NCK1: variants seen among roughly 807,000 people sequenced by gnomAD.
NCK1 encodes the protein SH2/SH3 adapter protein NCK1.
Under a neutral mutation model 36.6 loss-of-function variants are expected in NCK1, and 19 were observed. The ratio of observed to expected loss-of-function variants is 0.52; its 90% confidence interval spans 0.36 to 0.76. NCK1 has a LOEUF of 0.76. Ranked by LOEUF, NCK1 falls within the 30% of genes least tolerant of loss-of-function variation. The pLI is 0.00. For missense variants in NCK1, 358 were observed against 445.6 expected, an observed-to-expected ratio of 0.80 and a Z score of 1.77; for synonymous variants, 165 against 156.0, an observed-to-expected ratio of 1.06 and a Z score of -0.43.
chr3:136,921,510 T>A (rs1289716512), intron 1 of NCK1, among the ~76,000 whole-genome samples: 1 of 152,226 alleles, frequency 6.6e-6, no homozygotes, highest in Non-Finnish European at 1.5e-5. Flanking sequence ...TGTACTTCAT[T>A]TCTTAGTGCC....
chr3:136,923,779 T>G (rs1449003914), intron 1 of NCK1, among the ~76,000 whole-genome samples: 2 of 152,306 alleles, frequency 1.3e-5, no homozygotes, highest in East Asian at 3.9e-4. Flanking sequence ...CTTGATAGTT[T>G]AGCTTTTAGA....
At chr3:136,898,953 T>C (rs1939463637) in intron 1 of NCK1, 1 of 152,940 alleles carries the variant, frequency 6.5e-6, no homozygotes, top group African/African-American at 2.4e-5. Context: ...TTATAGGACA[T>C]GGTAATGGAT....
intron 1 of NCK1, among the ~76,000 whole-genome samples, chr3:136,879,843 C>T (rs1426348879): frequency 2.6e-5 from 4 of 151,574 alleles, no homozygotes; most frequent in South Asian, 2.1e-4. Context: ...GGCCTGTTGG[C>T]GGGTGAGGGG....
chr3:136,877,703 C>T lies in NCK1; in HGVS notation c.-19+15350C>T, dbSNP rs373067110. Among the ~76,000 whole-genome samples, 10 of 152,198 alleles carry T rather than the reference C, an allele frequency of 6.6e-5. No homozygotes were observed. In the South Asian group the frequency reaches 8.3e-4, roughly 13 times the overall value. The stretch of plus-strand genomic sequence containing the variant: ...ACAATAAAATCTGGAAACTGGAAAG[C>T]GAGTGAACTGATGGGAAACTTCTTA... On this transcript the variant is annotated intron_variant, in intron 1 of 3. Coordinates refer to ENST00000481752, the MANE Select transcript of NCK1 (RefSeq NM_001291999.2).
intron 1 of NCK1, among the ~76,000 whole-genome samples, chr3:136,920,377 A>G (rs947068819): frequency 6.6e-6 from 1 of 152,202 alleles, no homozygotes; most frequent in Non-Finnish European, 1.5e-5. Flanking sequence ...AGTGCTGTGC[A>G]TAGCACAATT....
intron 1 of NCK1, among the ~76,000 whole-genome samples, chr3:136,878,363 A>G (rs925976241): frequency 2.0e-5 from 3 of 152,186 alleles, no homozygotes; most frequent in Non-Finnish European, 4.4e-5. Context: ...GAGCCAAGAT[A>G]GCAACACAGC....
At chr3:136,886,309 A>G (rs891243346) in intron 1 of NCK1, among the ~76,000 whole-genome samples, 5 of 151,918 alleles carry the variant, frequency 3.3e-5, no homozygotes, top group Non-Finnish European at 7.4e-5. Context: ...TTTGGTATCC[A>G]TGAGGTGTTG....
chr3:136,872,620 G>A (rs573393218), intron 1 of NCK1, among the ~76,000 whole-genome samples: 174 of 152,358 alleles, frequency 1.1e-3, no homozygotes, highest in Middle Eastern at 3.4e-3. Flanking sequence ...TCTGCAGGGC[G>A]TGTCGGAGGT....
In NCK1 at chr3:136,945,872, G is replaced by C; in HGVS notation, c.516G>C (p.Val172=). The C allele has an allele frequency of 6.2e-7, 1 of 1,614,112 alleles. No homozygotes were observed. The highest frequency in any genetic ancestry group is 1.1e-5 in the South Asian group (1 of 91,084). Residue 172 remains valine, a synonymous_variant, in exon 3 of 4, where the codon GTG becomes GTC. Transcript: ENST00000481752. ...GTGACAGTCCTTTGGGTGACCATGT[G>C]GGTTCTCTGTCAGAGAAATTAGCAG... ...EEGDSPLGDH[V]GSLSEKLAAV... is the part of the protein sequence containing the mutation.
In NCK1 at chr3:136,866,900, A is replaced by C. The variant is rs991717737; in HGVS notation, c.-19+4547A>C. 2.6e-5 allele frequency among the ~76,000 whole-genome samples: 4 copies of C among 151,644 alleles called. No individual in the cohort carries two copies. The East Asian group carries it at 7.9e-4, about 30-fold the overall frequency. ...AGTGTTGGGATTACAGGCGTGAGCC[A>C]CTGTGCCCGTCCAGTTTGCCTAGTC... On this transcript the variant is annotated intron_variant, in intron 1 of 3. Coordinates refer to ENST00000481752, the MANE Select transcript of NCK1 (RefSeq NM_001291999.2).
intron 1 of NCK1, among the ~76,000 whole-genome samples, chr3:136,901,269 T>A (rs1939534056): frequency 6.8e-6 from 1 of 146,682 alleles, no homozygotes; most frequent in Non-Finnish European, 1.5e-5. Context: ...TGTGGTGTAT[T>A]TTTTTTTTTT....
At chr3:136,869,334 C>G (rs1167102846) in intron 1 of NCK1, among the ~76,000 whole-genome samples, 1 of 151,976 alleles carries the variant, frequency 6.6e-6, no homozygotes, top group Non-Finnish European at 1.5e-5. Flanking sequence ...ATAACTTGAT[C>G]CCAGGAGTTC....
Position 136,862,682 on chromosome 3 carries a change from C to G in NCK1, c.-19+329C>G, listed in dbSNP as rs367598600. ...CCTGGGAGGTCGAGTGTGCGGCGCG[C>G]TGGTTGACTTGTCTGTTTTCTCATG... On this transcript the variant is annotated intron_variant, in intron 1 of 3. Coordinates refer to ENST00000481752, the MANE Select transcript of NCK1 (RefSeq NM_001291999.2). Among the ~76,000 whole-genome samples, 1,060 of 152,310 alleles carry G rather than the reference C, an allele frequency of 7.0e-3. 14 individuals carry two copies. Among genetic ancestry groups the G allele is most frequent in the African/African-American group, 0.024 (980 of 41,578 alleles).
rs148894667 is a variant in NCK1, at chr3:136,943,316, G to A, written c.227-2267G>A. 2.9e-3 allele frequency among the ~76,000 whole-genome samples: 437 copies of A among 152,228 alleles called. 3 individuals are homozygous for A. The highest frequency in any genetic ancestry group is 0.01 in the African/African-American group (418 of 41,534). On this transcript the variant is annotated intron_variant, in intron 2 of 3. Transcript: ENST00000481752. ...ATTTCTCTGAAGGCTATCATTAACC[G>A]GAAGTAAGAAAATTAGGAAGGAAGA... is the stretch of plus-strand genomic sequence containing the variant.
chr3:136,904,388 A>G (rs550605637), intron 1 of NCK1, among the ~76,000 whole-genome samples: 2 of 152,050 alleles, frequency 1.3e-5, no homozygotes, highest in South Asian at 4.2e-4. Context: ...CCTGGCCTCA[A>G]GTGATCCACC....
chr3:136,943,621 T>G (rs1472082000), intron 2 of NCK1, among the ~76,000 whole-genome samples: 1 of 152,252 alleles, frequency 6.6e-6, no homozygotes, highest in African/African-American at 2.4e-5. Flanking sequence ...TCAGCATGTT[T>G]GCTGACTGCT....
At chr3:136,892,151 G>A (rs1939263411) in intron 1 of NCK1, among the ~76,000 whole-genome samples, 1 of 152,106 alleles carries the variant, frequency 6.6e-6, no homozygotes, top group South Asian at 2.1e-4. Context: ...GCCTCCCAAA[G>A]TGTTGGGATT....
chr3:136,930,484 G>T, intron 2 of NCK1: 1 of 1,326,282 alleles, frequency 7.5e-7, no homozygotes, highest in South Asian at 2.2e-5. Flanking sequence ...CAGTGTTGCA[G>T]AACAGACGAG....
At chr3:136,875,242 T>A (rs1938733580) in intron 1 of NCK1, among the ~76,000 whole-genome samples, 1 of 152,214 alleles carries the variant, frequency 6.6e-6, no homozygotes, top group Admixed American at 6.5e-5. Context: ...CCTGAGACTT[T>A]GCTGAAGTTG....
Sources: gnomAD v4.1 joint callset for allele counts (sites outside exome capture counted in the v4.1 genomes callset) on GRCh38, gnomAD v4.1.1 for gene constraint, MANE v1.5 for transcripts, NCBI Gene and HGNC (gene_info 2026-07-23, HGNC 2026-07-21) for gene names.